The following BMPER variants were observed in gnomAD, a reference collection of about 807,000 sequenced individuals.
BMPER encodes the protein BMP-binding endothelial regulator protein.
BMPER carries 45 observed loss-of-function variants against 87.3 expected under a neutral mutation model. The observed-to-expected ratio is 0.52, with a 90% CI of 0.41 to 0.66. The LOEUF (loss-of-function observed/expected upper bound fraction) is 0.66. Among genes scored for constraint, BMPER ranks in the 30% least tolerant of loss-of-function variants. The pLI is 0.00. For synonymous variants in BMPER, 326 were observed against 316.2 expected (o/e 1.03, Z -0.33); for missense variants, 784 against 867.5 (o/e 0.90, Z 1.21).
chr7:33,975,078 A>G (rs1213029617), intron 6 of BMPER, among the ~76,000 whole-genome samples: 1 of 152,108 alleles, frequency 6.6e-6, no homozygotes. Flanking sequence ...ATCACCACCA[A>G]TGTCTGCAGA....
At chr7:33,917,602 A>G (rs1306710309) in intron 2 of BMPER, among the ~76,000 whole-genome samples, 1 of 152,182 alleles carries the variant, frequency 6.6e-6, no homozygotes, top group Admixed American at 6.5e-5. Flanking sequence ...GGGAATAGAC[A>G]TAACATGACT....
chr7:33,980,114 A>G (rs550198153), intron 6 of BMPER, among the ~76,000 whole-genome samples: 1 of 152,346 alleles, frequency 6.6e-6, no homozygotes, highest in African/African-American at 2.4e-5. Flanking sequence ...AGGTGTGACT[A>G]TCATCATGAC....
chr7:34,110,075 C>T (rs1481966306), intron 13 of BMPER, among the ~76,000 whole-genome samples: 2 of 152,164 alleles, frequency 1.3e-5, no homozygotes, highest in African/African-American at 2.4e-5. Flanking sequence ...GATTTTGAAG[C>T]AGCGACCTGA....
intron 6 of BMPER, among the ~76,000 whole-genome samples, chr7:33,984,048 T>C (rs528246596): frequency 2.0e-5 from 3 of 152,286 alleles, no homozygotes; most frequent in Admixed American, 1.3e-4. Context: ...CTCAGGTAAG[T>C]TGGAAAATTG....
At chr7:34,051,731 C>T (rs1788149775) in intron 7 of BMPER, 130 bp from the exon 8 acceptor site, 2 of 791,498 alleles carry the variant, frequency 2.5e-6, no homozygotes, top group Admixed American at 2.0e-5. Context: ...TGACCCAAGA[C>T]TCTATTTTTG....
intron 6 of BMPER, among the ~76,000 whole-genome samples, chr7:34,029,339 G>T (rs140763771): frequency 6.6e-6 from 1 of 152,048 alleles, no homozygotes; most frequent in Non-Finnish European, 1.5e-5. Context: ...TAATTTCAGC[G>T]TTGGGGGACC....
At chr7:33,980,870 A>G (rs1235633794) in intron 6 of BMPER, among the ~76,000 whole-genome samples, 1 of 152,210 alleles carries the variant, frequency 6.6e-6, no homozygotes, top group Non-Finnish European at 1.5e-5. Context: ...CCTGAAGTCC[A>G]TAAACACCTT....
chr7:34,017,436 C>T (rs1242844919), intron 6 of BMPER, among the ~76,000 whole-genome samples: 1 of 151,736 alleles, frequency 6.6e-6, no homozygotes, highest in Non-Finnish European at 1.5e-5. Context: ...TGGGGAGCTC[C>T]CATTTATAAA....
chr7:33,982,993 A>T (rs1387435316), intron 6 of BMPER, among the ~76,000 whole-genome samples: 4 of 152,208 alleles, frequency 2.6e-5, no homozygotes. Context: ...AGAGTTGCAG[A>T]AAACGGTAAG....
chr7:33,956,741 A>G (rs575638961), intron 3 of BMPER, among the ~76,000 whole-genome samples: 6 of 152,308 alleles, frequency 3.9e-5, no homozygotes, highest in African/African-American at 1.4e-4. Flanking sequence ...TCTCAATAAC[A>G]TTTTCTTTTC....
intron 13 of BMPER, among the ~76,000 whole-genome samples, chr7:34,123,299 G>A (rs1292760005): frequency 6.6e-6 from 1 of 152,176 alleles, no homozygotes; most frequent in East Asian, 1.9e-4. Flanking sequence ...TCAGAGGCCA[G>A]TGCTATCTTT....
intron 13 of BMPER, among the ~76,000 whole-genome samples, chr7:34,089,219 C>T (rs1276404576): frequency 6.6e-6 from 1 of 152,030 alleles, no homozygotes; most frequent in African/African-American, 2.4e-5. Context: ...CTGTATTTTC[C>T]TTTAAGGACA....
intron 6 of BMPER, among the ~76,000 whole-genome samples, chr7:34,023,354 C>T (rs1443019022): frequency 6.6e-6 from 1 of 152,054 alleles, no homozygotes; most frequent in South Asian, 2.1e-4. Flanking sequence ...ATTTAGCTTA[C>T]TCAGTGTGGG....
chr7:34,126,654 G>A (rs1413579984), intron 13 of BMPER, among the ~76,000 whole-genome samples: 1 of 152,096 alleles, frequency 6.6e-6, no homozygotes, highest in African/African-American at 2.4e-5. Context: ...CAACCATGCT[G>A]CTTTTTCCTC....
intron 13 of BMPER, among the ~76,000 whole-genome samples, chr7:34,108,435 T>C (rs1789879363): frequency 6.6e-6 from 1 of 152,224 alleles, no homozygotes. Context: ...ACAGTTTCCA[T>C]GTTAATTTTC....
At chr7:34,040,993 C>T (rs1585766956) in intron 6 of BMPER, among the ~76,000 whole-genome samples, 2 of 152,166 alleles carry the variant, frequency 1.3e-5, no homozygotes, top group South Asian at 2.1e-4. Context: ...AAGCTACAAC[C>T]AGCATCTACC....
chr7:33,957,765 A>C (rs762269735), intron 3 of BMPER, among the ~76,000 whole-genome samples: 1 of 152,186 alleles, frequency 6.6e-6, no homozygotes, highest in Non-Finnish European at 1.5e-5. Context: ...CTGTGAATCT[A>C]TATTTCAGAA....
In BMPER at chr7:33,986,936, C is replaced by T. The variant is rs951252951; in HGVS notation, c.576+12152C>T. Among the ~76,000 whole-genome samples the T allele has an allele frequency of 5.9e-5, 9 of 151,992 alleles. No individual in the cohort carries two copies. In the South Asian group the frequency reaches 8.3e-4, roughly 14 times the overall value. On this transcript the variant is annotated intron_variant, in intron 6 of 14. Coordinates refer to ENST00000649409, the MANE Select transcript of BMPER (RefSeq NM_001365308.1). ...CCTGCTCCTTTGTTTGTTTGTGCTT[C>T]GTGGCTCCCCTCCCCTCCTGTGCCC...
chr7:33,941,398 G>C (rs936907963), intron 3 of BMPER, among the ~76,000 whole-genome samples: 2 of 151,508 alleles, frequency 1.3e-5, no homozygotes, highest in African/African-American at 4.9e-5. Context: ...ATGGACAGGG[G>C]TCGGGGGATG....
Sources: allele counts gnomAD v4.1 joint callset (sites outside exome capture counted in the v4.1 genomes callset), GRCh38; gene constraint gnomAD v4.1.1; transcripts MANE v1.5; gene names NCBI Gene and HGNC (gene_info 2026-07-23, HGNC 2026-07-21).